The following VTI1A variants were observed in gnomAD, a reference collection of about 807,000 sequenced individuals.
VTI1A encodes the protein vesicle transport through interaction with t-SNAREs homolog 1A.
In VTI1A, 22 loss-of-function variants were observed where a neutral mutation model predicts 34.9. The observed-to-expected ratio is 0.63, with a 90% CI of 0.45 to 0.90. The LOEUF is 0.90. VTI1A is among the 40% of genes least tolerant of loss of function. VTI1A has a pLI of 0.00. For missense variants in VTI1A, 268 were observed against 275.6 expected (o/e 0.97, Z 0.20); for synonymous variants, 87 against 97.3 (o/e 0.89, Z 0.62).
At chr10:112,761,796 G>A (rs1036756843) in intron 7 of VTI1A, among the ~76,000 whole-genome samples, 5 of 147,894 alleles carry the variant, frequency 3.4e-5, no homozygotes, top group African/African-American at 1.3e-4. Context: ...GTGTGTGTGT[G>A]TGTATGTATA....
At chr10:112,630,064 C>T (rs898290397) in intron 5 of VTI1A, among the ~76,000 whole-genome samples, 1 of 152,078 alleles carries the variant, frequency 6.6e-6, no homozygotes, top group Admixed American at 6.5e-5. Flanking sequence ...GTTTTTTTCT[C>T]GAAATGCCCA....
intron 3 of VTI1A, among the ~76,000 whole-genome samples, chr10:112,503,387 T>C (rs1269026229): frequency 1.3e-5 from 2 of 152,192 alleles, no homozygotes; most frequent in African/African-American, 4.8e-5. Flanking sequence ...GCTTGACTTA[T>C]TTCACTTAAC....
chr10:112,505,924 C>T (rs865902826), intron 3 of VTI1A, among the ~76,000 whole-genome samples: 40 of 152,194 alleles, frequency 2.6e-4, no homozygotes, highest in Middle Eastern at 3.4e-3. Flanking sequence ...TACCTACTTT[C>T]TGTGGTTTCA....
At chr10:112,587,595 T>C (rs1844210847) in intron 5 of VTI1A, among the ~76,000 whole-genome samples, 1 of 152,104 alleles carries the variant, frequency 6.6e-6, no homozygotes, top group Non-Finnish European at 1.5e-5. Flanking sequence ...CTGCAGAAAA[T>C]GTTGAATATT....
At chr10:112,716,866 C>T (rs994020985) in intron 7 of VTI1A, among the ~76,000 whole-genome samples, 3 of 152,276 alleles carry the variant, frequency 2.0e-5, no homozygotes, top group Admixed American at 1.3e-4. Context: ...CAAACTGTTC[C>T]GTTTTACTTG....
chr10:112,635,248 C>A (rs1846307634), intron 5 of VTI1A, among the ~76,000 whole-genome samples: 1 of 152,142 alleles, frequency 6.6e-6, no homozygotes, highest in African/African-American at 2.4e-5. Context: ...GATGAGACAG[C>A]GTGCTGAGGA....
At chr10:112,805,117 T>C (rs1853027772) in intron 7 of VTI1A, among the ~76,000 whole-genome samples, 1 of 151,724 alleles carries the variant, frequency 6.6e-6, no homozygotes, top group Non-Finnish European at 1.5e-5. Context: ...CCTCCCACCA[T>C]AGCCTCCCAA....
At chr10:112,492,494 T>TA (rs1303869127) in intron 3 of VTI1A, among the ~76,000 whole-genome samples, 2 of 152,082 alleles carry the variant, frequency 1.3e-5, no homozygotes, top group South Asian at 2.1e-4. Flanking sequence ...CTACTTCTTA[T>TA]AAAAAAACAA....
chr10:112,785,768 C>A (rs1160221020), intron 7 of VTI1A, among the ~76,000 whole-genome samples: 1 of 152,140 alleles, frequency 6.6e-6, no homozygotes. Flanking sequence ...CAAAAATTGA[C>A]TGTAAATATA....
intron 3 of VTI1A, chr10:112,485,094 AC>A (rs1451744911): frequency 6.6e-6 from 1 of 152,012 alleles, no homozygotes; most frequent in Non-Finnish European, 1.5e-5. Flanking sequence ...CAGCCTGGCC[AC>A]CATGGTGAAA....
intron 5 of VTI1A, among the ~76,000 whole-genome samples, chr10:112,656,986 C>A (rs1332169524): frequency 6.6e-6 from 1 of 152,138 alleles, no homozygotes; most frequent in Non-Finnish European, 1.5e-5. Flanking sequence ...ACCTTCCCCT[C>A]ACTCTCTTGG....
At chr10:112,748,586 C>A (rs578237095) in intron 7 of VTI1A, among the ~76,000 whole-genome samples, 1 of 150,138 alleles carries the variant, frequency 6.7e-6, no homozygotes, top group South Asian at 2.1e-4. Context: ...ACAAATGACA[C>A]CTGTTACTCT....
intron 7 of VTI1A, among the ~76,000 whole-genome samples, chr10:112,688,521 CT>C (rs59853999): frequency 0.098 from 11,408 of 116,204 alleles, 975 homozygotes; most frequent in African/African-American, 0.32. Flanking sequence ...CAATTTTTTT[CT>C]TTTTTTTTTT....
In VTI1A at chr10:112,695,349, G is replaced by A. The variant is rs1265358311; in HGVS notation, c.560+26351G>A. Among the ~76,000 whole-genome samples the A allele has an allele frequency of 3.3e-5, 5 of 151,924 alleles. No homozygotes were observed. In the East Asian group the frequency reaches 9.7e-4, roughly 29 times the overall value. On this transcript the variant is annotated intron_variant, in intron 7 of 7. Coordinates refer to ENST00000393077, the MANE Select transcript of VTI1A (RefSeq NM_145206.4). ...GCATATGTATTTACATAAATAAAAA[G>A]CATCTAATTAAGCCTTCAAATGACA...
intron 7 of VTI1A, among the ~76,000 whole-genome samples, chr10:112,705,667 T>C (rs770227788): frequency 1.3e-5 from 2 of 152,200 alleles, no homozygotes; most frequent in Non-Finnish European, 2.9e-5. Flanking sequence ...TTTGGAAATG[T>C]CCTTCTTAGC....
At chr10:112,537,441 AC>A (rs1261490055) in intron 4 of VTI1A, among the ~76,000 whole-genome samples, 2 of 150,754 alleles carry the variant, frequency 1.3e-5, no homozygotes, top group Admixed American at 6.6e-5. Context: ...AAAAAAATCA[AC>A]AACAACCATC....
intron 5 of VTI1A, among the ~76,000 whole-genome samples, chr10:112,604,700 G>A (rs1323473178): frequency 6.6e-6 from 1 of 152,140 alleles, no homozygotes; most frequent in African/African-American, 2.4e-5. Flanking sequence ...AATAAATGAG[G>A]AGAAAATACT....
At chr10:112,788,790 C>G (rs1852372698) in intron 7 of VTI1A, among the ~76,000 whole-genome samples, 1 of 151,924 alleles carries the variant, frequency 6.6e-6, no homozygotes, top group African/African-American at 2.4e-5. Context: ...TTTTTGTATG[C>G]CATTTTAATT....
At chr10:112,606,634 T>C (rs1486577651) in intron 5 of VTI1A, among the ~76,000 whole-genome samples, 3 of 152,198 alleles carry the variant, frequency 2.0e-5, no homozygotes, top group Non-Finnish European at 4.4e-5. Flanking sequence ...TTACTCCTAG[T>C]ACTTTCTTCA....
Sources: gnomAD v4.1 joint callset for allele counts (sites outside exome capture counted in the v4.1 genomes callset) on GRCh38, gnomAD v4.1.1 for gene constraint, MANE v1.5 for transcripts, NCBI Gene and HGNC (gene_info 2026-07-23, HGNC 2026-07-21) for gene names.